FGF12: variants seen among roughly 807,000 people sequenced by gnomAD.
FGF12 encodes fibroblast growth factor 12.
In FGF12, 14 loss-of-function variants were observed where a neutral mutation model predicts 23.6. That is an observed-to-expected ratio of 0.59 (90% CI 0.39 to 0.93). The LOEUF is 0.93. Ranked by LOEUF, FGF12 falls within the 40% of genes least tolerant of loss-of-function variation. The pLI is 0.00. For missense variants in FGF12, 175 were observed against 217.8 expected (o/e 0.80, Z 1.24); for synonymous variants, 62 against 77.3 (o/e 0.80, Z 1.04).
intron 4 of FGF12, among the ~76,000 whole-genome samples, chr3:192,178,337 CAAAG>C (rs1159757512): frequency 1.3e-5 from 2 of 151,826 alleles, no homozygotes; most frequent in East Asian, 1.9e-4. Context: ...AATAAGCAAA[CAAAG>C]AAAAATTAAT....
chr3:192,342,427 G>C (rs1717737027), intron 3 of FGF12, among the ~76,000 whole-genome samples: 3 of 152,056 alleles, frequency 2.0e-5, no homozygotes, highest in Non-Finnish European at 4.4e-5. Flanking sequence ...AGGTTGGAGG[G>C]AATTAAGAGG....
chr3:192,289,211 C>A (rs1057292607), intron 4 of FGF12, among the ~76,000 whole-genome samples: 1 of 152,138 alleles, frequency 6.6e-6, no homozygotes. Context: ...TATGTATTCA[C>A]AATGCCAGGC....
chr3:192,684,202 C>T lies in FGF12; in HGVS notation c.13+42979G>A, dbSNP rs535948579. 3.3e-5 allele frequency among the ~76,000 whole-genome samples: 5 copies of T among 152,294 alleles called. No homozygotes were observed. In the South Asian group the frequency reaches 6.2e-4, roughly 19 times the overall value. On this transcript the variant is annotated intron_variant, in intron 2 of 5. Coordinates refer to ENST00000445105, the MANE Select transcript of FGF12 (RefSeq NM_004113.6). ...CTGACACAGGCGATCTGCAGAAACA[C>T]TCTCTGTTGCTTTTCCCCAAAGGTC...
At position 192,408,278 on chromosome 3, in the gene FGF12, C is replaced by A; in HGVS notation, c.14-47740G>T. 6.6e-7 allele frequency: 1 copy of A among 1,504,688 alleles called. No individual in the cohort carries two copies. The allele number at this position is 1,504,688 out of a possible 1,614,324, so 93.2% of individuals were successfully genotyped here. A position where few individuals can be genotyped will look rare whatever the true frequency, so the allele number is the denominator to read the frequency against. On this transcript the variant is annotated intron_variant, in intron 2 of 5. Transcript: ENST00000445105. The surrounding 1 kb of genome is among the most constrained non-coding windows in gnomAD (Gnocchi z 7.3). ...CCTCTACTGCGCCCTCCGGCTTGCG[C>A]TCCGCCGGGGCGAGGGCAGGACCTG...
At chr3:192,261,589 G>A (rs142061501) in intron 4 of FGF12, among the ~76,000 whole-genome samples, 8 of 152,302 alleles carry the variant, frequency 5.3e-5, no homozygotes, top group African/African-American at 1.7e-4. Flanking sequence ...TCATGGCTCC[G>A]CCAGAGGTTA....
At chr3:192,410,169 G>GGGGC (rs1721151159) in intron 2 of FGF12, among the ~76,000 whole-genome samples, 2 of 152,172 alleles carry the variant, frequency 1.3e-5, no homozygotes, top group African/African-American at 4.8e-5. Flanking sequence ...GGCCGAGCTG[G>GGGGC]GGGCCGGGCC....
intron 2 of FGF12, among the ~76,000 whole-genome samples, chr3:192,682,900 G>C (rs1717585579): frequency 6.6e-6 from 1 of 152,164 alleles, no homozygotes; most frequent in Non-Finnish European, 1.5e-5. Context: ...AAAAACTCTG[G>C]ACCTTGAGGC....
At chr3:192,529,270 C>T (rs1469129892) in intron 2 of FGF12, among the ~76,000 whole-genome samples, 1 of 152,188 alleles carries the variant, frequency 6.6e-6, no homozygotes. Context: ...CCACAAATCT[C>T]TAGGGCAGAG....
At chr3:192,714,699 T>C (rs1217646685) in intron 2 of FGF12, among the ~76,000 whole-genome samples, 3 of 151,926 alleles carry the variant, frequency 2.0e-5, no homozygotes, top group African/African-American at 7.3e-5. Flanking sequence ...TTTGTATTTT[T>C]AGTAGAGACG....
chr3:192,432,410 A>G (rs1360709210), intron 2 of FGF12, among the ~76,000 whole-genome samples: 3 of 152,104 alleles, frequency 2.0e-5, no homozygotes, highest in Admixed American at 6.5e-5. Flanking sequence ...TGCATACCCT[A>G]TATAATCCAC....
chr3:192,485,274 G>C (rs1723602578), intron 2 of FGF12, among the ~76,000 whole-genome samples: 1 of 152,058 alleles, frequency 6.6e-6, no homozygotes, highest in Admixed American at 6.6e-5. Context: ...GAATGTTTCT[G>C]GTTTGTATTA....
intron 2 of FGF12, among the ~76,000 whole-genome samples, chr3:192,474,502 T>C (rs1469880182): frequency 6.6e-6 from 1 of 152,192 alleles, no homozygotes; most frequent in African/African-American, 2.4e-5. Flanking sequence ...CTTCCTTGAA[T>C]TTCCATATAC....
At chr3:192,506,121 C>A (rs1724286730) in intron 2 of FGF12, among the ~76,000 whole-genome samples, 1 of 152,206 alleles carries the variant, frequency 6.6e-6, no homozygotes, top group Non-Finnish European at 1.5e-5. Flanking sequence ...CTTCTGTAAG[C>A]CAGCCAGAGC....
chr3:192,315,607 G>A (rs1464795738), intron 4 of FGF12, among the ~76,000 whole-genome samples: 1 of 152,116 alleles, frequency 6.6e-6, no homozygotes, highest in African/African-American at 2.4e-5. Flanking sequence ...AAAATAAGTA[G>A]CCAATACTTT....
chr3:192,708,547 T>C (rs1718563772), intron 2 of FGF12, among the ~76,000 whole-genome samples: 1 of 152,200 alleles, frequency 6.6e-6, no homozygotes. Context: ...ATAGTCCCTA[T>C]AGAATTAACT....
intron 2 of FGF12, among the ~76,000 whole-genome samples, chr3:192,713,685 C>T (rs1718767160): frequency 6.6e-6 from 1 of 152,122 alleles, no homozygotes; most frequent in South Asian, 2.1e-4. Flanking sequence ...CTAACTGCAC[C>T]TTATGGTTAT....
At position 192,462,556 on chromosome 3, in the gene FGF12, G is replaced by T. The variant is rs767485701; in HGVS notation, c.14-102018C>A. Among the ~76,000 whole-genome samples the T allele has an allele frequency of 1.2e-3, 178 of 152,028 alleles. 1 individual carries two copies. Among genetic ancestry groups the T allele is most frequent in the Non-Finnish European group, 2.0e-3 (135 of 67,990 alleles). On this transcript the variant is annotated intron_variant, in intron 2 of 5. Coordinates refer to ENST00000445105, the MANE Select transcript of FGF12 (RefSeq NM_004113.6). The stretch of plus-strand genomic sequence containing the variant: ...GACTTCTCAATCTCCATAAGTGTAA[G>T]AAATAAATTTATTTTCTTTATAAAT...
At chr3:192,474,860 G>A (rs1368913318) in intron 2 of FGF12, among the ~76,000 whole-genome samples, 1 of 147,642 alleles carries the variant, frequency 6.8e-6, no homozygotes, top group Non-Finnish European at 1.5e-5. Flanking sequence ...ACTCTAGACT[G>A]GGAAACAAGA....
At chr3:192,401,880 T>C (rs563009615) in intron 2 of FGF12, among the ~76,000 whole-genome samples, 1 of 152,354 alleles carries the variant, frequency 6.6e-6, no homozygotes, top group Non-Finnish European at 1.5e-5. Context: ...TGAAGGTTCT[T>C]CCATTCCTGT....
Sources: allele counts gnomAD v4.1 joint callset (sites outside exome capture counted in the v4.1 genomes callset), GRCh38; gene constraint gnomAD v4.1.1; non-coding constraint Gnocchi (gnomAD v3.1); transcripts MANE v1.5; gene names NCBI Gene and HGNC (gene_info 2026-07-23, HGNC 2026-07-21).